Variants in DIAPH2 observed in about 807,000 individuals in gnomAD.
The protein encoded by DIAPH2 is diaphanous related formin 2, also known as protein diaphanous homolog 2.
DIAPH2 carries 35 observed loss-of-function variants against 92.7 expected under a neutral mutation model. The ratio of observed to expected loss-of-function variants is 0.38; its 90% confidence interval spans 0.29 to 0.50. The LOEUF (loss-of-function observed/expected upper bound fraction) is 0.50, where lower values mean the gene tolerates loss of function less well. Among genes scored for constraint, DIAPH2 ranks in the 20% least tolerant of loss-of-function variants. The pLI, the probability that DIAPH2 is intolerant of heterozygous loss-of-function variation, is 0.94. For synonymous variants in DIAPH2, 301 were observed against 280.4 expected (o/e 1.07, Z -0.73); for missense variants, 701 against 819.5 (o/e 0.86, Z 1.77).
intron 26 of DIAPH2, among the ~76,000 whole-genome samples, chrX:97,483,413 GAA>G (rs3074203): frequency 4.5e-5 from 5 of 110,872 alleles, no homozygotes; most frequent in Non-Finnish European, 9.5e-5. Flanking sequence ...GAGAGAGAGA[GAA>G]AGAGTTTTTT....
At chrX:96,885,622 T>A (rs1033127528) in intron 5 of DIAPH2, among the ~76,000 whole-genome samples, 3 of 111,222 alleles carry the variant, frequency 2.7e-5, no homozygotes, top group Admixed American at 1.9e-4. Context: ...TAATGCTCAG[T>A]TCAAACATTT....
intron 17 of DIAPH2, among the ~76,000 whole-genome samples, chrX:96,980,998 C>CAAAAAAAAAAAAAAAAAAAAAA (rs1204120424): frequency 2.2e-5 from 1 of 45,530 alleles, no homozygotes. Flanking sequence ...CCATCTCTAC[C>CAAAAAAAAAAAAAAAAAAAAAA]AAAAAAAAAA....
chrX:97,322,987 C>A (rs1394389388), intron 23 of DIAPH2, among the ~76,000 whole-genome samples: 1 of 101,730 alleles, frequency 9.8e-6, no homozygotes, highest in Admixed American at 1.1e-4. Flanking sequence ...CTCACTTCAA[C>A]CTCCGCCTCC....
chrX:97,593,490 AC>A (rs2071530657), intron 26 of DIAPH2, among the ~76,000 whole-genome samples: 1 of 111,008 alleles, frequency 9.0e-6, no homozygotes, highest in Non-Finnish European at 1.9e-5. Flanking sequence ...AAAAAAAAAA[AC>A]AAGTTAAACC....
In DIAPH2 at chrX:97,600,692, T is replaced by G. The variant is rs1438620688; in HGVS notation, c.*1375T>G. 5.4e-5 allele frequency: 6 copies of G among 111,737 alleles called. No homozygotes were observed. The highest frequency in any genetic ancestry group is 1.9e-5 in the Non-Finnish European group (1 of 53,120). The allele number at this position is 111,737 out of a possible 1,213,427, so 9.2% of individuals were successfully genotyped here. A position where few individuals can be genotyped will look rare whatever the true frequency, so the allele number is the denominator to read the frequency against. Reference sequence around the variant, plus strand: ...CAATTTTAAGTCTAATTCATGCAGATGATTGATTGTGATTATTGTAAGAAA... The same window carrying G: ...CAATTTTAAGTCTAATTCATGCAGAGGATTGATTGTGATTATTGTAAGAAA... On this transcript the variant is annotated 3_prime_UTR_variant, in exon 27 of 27. Transcript: ENST00000324765.
chrX:97,449,248 A>T (rs990994651), intron 26 of DIAPH2, among the ~76,000 whole-genome samples: 1 of 111,887 alleles, frequency 8.9e-6, no homozygotes. Flanking sequence ...CTTTCCCCAC[A>T]AAGTTATTAC....
At chrX:97,414,689 T>C (rs1380736867) in intron 25 of DIAPH2, among the ~76,000 whole-genome samples, 1 of 108,187 alleles carries the variant, frequency 9.2e-6, no homozygotes, top group Non-Finnish European at 1.9e-5. Context: ...CTGGATCCCT[T>C]CCTTACACCT....
intron 26 of DIAPH2, among the ~76,000 whole-genome samples, chrX:97,491,485 A>G (rs2070725081): frequency 9.0e-6 from 1 of 110,980 alleles, no homozygotes; most frequent in East Asian, 2.8e-4. Flanking sequence ...ATCTCGGCTC[A>G]TGGCAGCCTC....
intron 5 of DIAPH2, among the ~76,000 whole-genome samples, chrX:96,907,617 A>T (rs1386989458): frequency 8.9e-6 from 1 of 112,133 alleles, no homozygotes; most frequent in East Asian, 2.8e-4. Flanking sequence ...CTTTACCTAG[A>T]AACAATTTTC....
At chrX:97,000,565 A>G (rs1468276533) in intron 17 of DIAPH2, among the ~76,000 whole-genome samples, 1 of 108,863 alleles carries the variant, frequency 9.2e-6, no homozygotes, top group Non-Finnish European at 1.9e-5. Flanking sequence ...TGAGCCCTGG[A>G]GTTCAAAACC....
chrX:97,057,550 C>T (rs2066565882), intron 17 of DIAPH2, among the ~76,000 whole-genome samples: 1 of 111,812 alleles, frequency 8.9e-6, no homozygotes, highest in South Asian at 3.8e-4. Flanking sequence ...ATTAGGCCTG[C>T]ACAGTGTCAG....
intron 5 of DIAPH2, chrX:96,884,209 T>C: frequency 1.5e-6 from 1 of 684,726 alleles, no homozygotes; most frequent in South Asian, 2.8e-5. Context: ...GCTCGAAGCC[T>C]TCTGTGGAGA....
chrX:97,012,814 C>A (rs1361124470), intron 17 of DIAPH2, among the ~76,000 whole-genome samples: 1 of 112,224 alleles, frequency 8.9e-6, no homozygotes, highest in African/African-American at 3.2e-5. Flanking sequence ...AGCAAAGGAA[C>A]CATAGTGGGT....
chrX:97,435,801 T>G (rs2070177772), intron 26 of DIAPH2, among the ~76,000 whole-genome samples: 2 of 109,588 alleles, frequency 1.8e-5, no homozygotes, highest in Admixed American at 2.0e-4. Flanking sequence ...TTTTTTTTTT[T>G]CTTTTTTTCC....
At chrX:96,830,956 T>A (rs746058194) in intron 4 of DIAPH2, among the ~76,000 whole-genome samples, 1 of 111,522 alleles carries the variant, frequency 9.0e-6, no homozygotes, top group South Asian at 3.8e-4. Context: ...CCTATACAAA[T>A]ATGTGAAGGT....
chrX:97,238,350 G>T (rs1013926380), intron 22 of DIAPH2, among the ~76,000 whole-genome samples: 1 of 111,877 alleles, frequency 8.9e-6, no homozygotes, highest in Non-Finnish European at 1.9e-5. Flanking sequence ...TTAAATCATA[G>T]AATGCAGCTT....
intron 22 of DIAPH2, among the ~76,000 whole-genome samples, chrX:97,156,462 C>T (rs1396108602): frequency 8.9e-6 from 1 of 112,001 alleles, no homozygotes; most frequent in Non-Finnish European, 1.9e-5. Flanking sequence ...TATTGCTTAG[C>T]CTTAAAAGAC....
At chrX:97,456,046 T>C (rs1339222549) in intron 26 of DIAPH2, among the ~76,000 whole-genome samples, 1 of 112,206 alleles carries the variant, frequency 8.9e-6, no homozygotes, top group Non-Finnish European at 1.9e-5. Flanking sequence ...TGTCTTTCTT[T>C]AAATTGACTT....
chrX:96,735,387 T>C (rs900366996), intron 1 of DIAPH2, among the ~76,000 whole-genome samples: 3 of 111,619 alleles, frequency 2.7e-5, no homozygotes, highest in African/African-American at 9.7e-5. Flanking sequence ...TGGTGTTGTT[T>C]TTTAAATTTA....
Sources: allele counts gnomAD v4.1 joint callset (sites outside exome capture counted in the v4.1 genomes callset), GRCh38; gene constraint gnomAD v4.1.1; transcripts MANE v1.5; gene names NCBI Gene and HGNC (gene_info 2026-07-23, HGNC 2026-07-21).